Variants in C6 observed in about 807,000 individuals in gnomAD.
C6 encodes complement C6.
C6 carries 101 observed loss-of-function variants against 112.9 expected under a neutral mutation model. The observed-to-expected ratio is 0.89, with a 90% CI of 0.76 to 1.06. C6 has a LOEUF of 1.06. C6 is among the 50% of genes least tolerant of loss of function. The probability of loss-of-function intolerance (pLI) is 0.00; values close to 1 mark genes in which losing one functional copy is unlikely to be tolerated. For missense variants in C6, 1,202 were observed against 1,104.6 expected (o/e 1.09, Z -1.25); for synonymous variants, 431 against 384.1 (o/e 1.12, Z -1.43).
At chr5:41,172,099 G>T (rs572768461) in intron 9 of C6, 126 bp downstream of exon 9, 10 of 969,298 alleles carry the variant, frequency 1.0e-5, no homozygotes, top group Admixed American at 3.5e-5. Context: ...CAACACACAG[G>T]GTTCTGAGGA....
At chr5:41,213,582 T>C (rs1383549788), upstream of C6, 3 of 984,440 alleles carry the variant, frequency 3.0e-6, no homozygotes, top group Non-Finnish European at 3.6e-6. Context: ...AACTTGAACT[T>C]TGCAAATGAT....
chr5:41,173,102 G>T (rs943344273), intron 8 of C6, among the ~76,000 whole-genome samples: 7 of 152,050 alleles, frequency 4.6e-5, no homozygotes, highest in African/African-American at 1.7e-4. Context: ...AGTTCAAAAG[G>T]CCACATTCTC....
chr5:41,217,431 A>C (rs1752233916), upstream of C6, among the ~76,000 whole-genome samples: 1 of 152,152 alleles, frequency 6.6e-6, no homozygotes. Flanking sequence ...TTGTCTACAC[A>C]CAAAGAGTTT....
At chr5:41,239,328 T>A (rs1030222400) in intron 1 of C6, among the ~76,000 whole-genome samples, 2 of 151,932 alleles carry the variant, frequency 1.3e-5, no homozygotes, top group African/African-American at 4.8e-5. Context: ...GCCATCCTGG[T>A]CTCGAACTCC....
chr5:41,229,082 T>A (rs13171417), intron 1 of C6, among the ~76,000 whole-genome samples: 85,096 of 151,920 alleles, frequency 0.56, 25,363 homozygotes, highest in South Asian at 0.67. Flanking sequence ...GCCACTGCAC[T>A]CCAGCTTGGG....
chr5:41,203,363 G>A, intron 1 of C6, 113 bp from the exon 2 acceptor site: 2 of 1,132,894 alleles, frequency 1.8e-6, no homozygotes, highest in Admixed American at 2.0e-5. Context: ...GCATTTTTCT[G>A]CCTTCCTTAA....
chr5:41,244,159 T>C (rs1310922278), intron 1 of C6, among the ~76,000 whole-genome samples: 2 of 152,224 alleles, frequency 1.3e-5, no homozygotes, highest in East Asian at 3.9e-4. Flanking sequence ...TAAAGTTTTA[T>C]AATAAAGTTG....
chr5:41,210,051 G>A (rs1751769405), intron 1 of C6, among the ~76,000 whole-genome samples: 1 of 152,158 alleles, frequency 6.6e-6, no homozygotes, highest in African/African-American at 2.4e-5. Flanking sequence ...AGAGCCCTCA[G>A]AAATAATACC....
chr5:41,237,104 G>T (rs967984193), intron 1 of C6, among the ~76,000 whole-genome samples: 2 of 121,344 alleles, frequency 1.6e-5, no homozygotes, highest in African/African-American at 6.6e-5. Flanking sequence ...CAACCAAAAA[G>T]AGTCCATGAC....
chr5:41,198,039 C>A (rs181771055), intron 4 of C6, among the ~76,000 whole-genome samples: 2 of 152,214 alleles, frequency 1.3e-5, no homozygotes, highest in Admixed American at 6.6e-5. Flanking sequence ...AAACCAGCTG[C>A]AAATTCTCTA....
rs564781621 is a variant in C6 at position 41,257,830 on chromosome 5, T to A, written c.-21+3364A>T. 4.2e-4 allele frequency among the ~76,000 whole-genome samples: 64 copies of A among 152,304 alleles called. 2 individuals carry two copies. In the South Asian group the frequency reaches 0.013, roughly 31 times the overall value. ...TTCCACCGACATATTCCCTTTTTAT[T>A]TTTTTGGCTAATTATCAAATTTTCT... On this transcript the variant is annotated intron_variant, in intron 1 of 17. Coordinates refer to the C6 transcript ENST00000263413.
rs78765203 is a variant in C6 at position 41,164,282 on chromosome 5, G to T, written c.1292-2423C>A. ...ATCTTTGGCAATTAAGGAGGATGGC[G>T]CTCTGAAGGAAGACTGACATGTTCC... On this transcript the variant is annotated intron_variant, in intron 9 of 17. Coordinates refer to ENST00000337836, the MANE Select transcript of C6 (RefSeq NM_000065.5). Among the ~76,000 whole-genome samples the T allele has an allele frequency of 3.4e-3, 515 of 152,250 alleles. 3 individuals carry two copies. Among genetic ancestry groups the T allele is most frequent in the African/African-American group, 0.012 (496 of 41,556 alleles).
Position 41,186,050 on chromosome 5 carries a change from A to T in C6, c.726+20T>A. ...AATCACTGACGGTGTTGGAGTTGCC[A>T]CCATGCTAGGCTGTCATACCTCAAA... On this transcript the variant is annotated intron_variant, in intron 6 of 17. Transcript: ENST00000337836. 1.5e-5 allele frequency: 24 copies of T among 1,613,820 alleles called. No homozygotes were observed. The highest frequency in any genetic ancestry group is 2.0e-5 in the Non-Finnish European group (24 of 1,179,824).
At chr5:41,154,045 CAAA>C in intron 14 of C6, 47 bp from the exon 15 acceptor site, 1 of 1,585,260 alleles carries the variant, frequency 6.3e-7, no homozygotes, top group Non-Finnish European at 8.7e-7. Flanking sequence ...GCAGAATAAA[CAAA>C]AAATTTAGGC....
chr5:41,177,499 A>T (rs185156675), intron 7 of C6, among the ~76,000 whole-genome samples: 11 of 151,098 alleles, frequency 7.3e-5, no homozygotes, highest in Admixed American at 2.0e-4. Context: ...ACATTGTTTT[A>T]AAAAAAATTT....
chr5:41,144,642 A>G (rs1745646448), intron 17 of C6, among the ~76,000 whole-genome samples: 1 of 152,150 alleles, frequency 6.6e-6, no homozygotes, highest in African/African-American at 2.4e-5. Flanking sequence ...TTATATAGGT[A>G]AATTGAATCC....
At chr5:41,212,691 G>A (rs1218792123) in intron 1 of C6, among the ~76,000 whole-genome samples, 3 of 152,132 alleles carry the variant, frequency 2.0e-5, no homozygotes, top group Non-Finnish European at 4.4e-5. Context: ...TTCCACTTCA[G>A]TGCCATCGTA....
chr5:41,199,995 C>CTGTTGTGATTG, intron 3 of C6, 83 bp from the exon 4 acceptor site: 2 of 1,248,426 alleles, frequency 1.6e-6, no homozygotes, highest in Non-Finnish European at 2.3e-6. Context: ...TCCTCAATCA[C>CTGTTGTGATTG]AACAGTGATT....
At chr5:41,149,549 A>T (rs1746180906) in intron 16 of C6, 67 bp from the exon 17 acceptor site, 1 of 1,599,158 alleles carries the variant, frequency 6.3e-7, no homozygotes, top group Non-Finnish European at 8.5e-7. Flanking sequence ...CACGTAGCCA[A>T]TGTAGTGTGT....
Sources: allele counts gnomAD v4.1 joint callset (sites outside exome capture counted in the v4.1 genomes callset), GRCh38; gene constraint gnomAD v4.1.1; transcripts MANE v1.5; gene names NCBI Gene and HGNC (gene_info 2026-07-23, HGNC 2026-07-21).